FLT1: variants seen among roughly 807,000 people sequenced by gnomAD.
The protein encoded by FLT1 is vascular endothelial growth factor receptor 1.
Under a neutral mutation model 156.3 loss-of-function variants are expected in FLT1, and 49 were observed. That is an observed-to-expected ratio of 0.31 (90% confidence interval 0.25 to 0.40). The LOEUF is 0.40. FLT1 is among the 10% of genes least tolerant of loss of function. The pLI, the probability that FLT1 is intolerant of heterozygous loss-of-function variation, is 1.00. For missense variants in FLT1, 1,322 were observed against 1,637.2 expected, an observed-to-expected ratio of 0.81 and a Z score of 3.32; for synonymous variants, 594 against 583.8, an observed-to-expected ratio of 1.02 and a Z score of -0.25.
chr13:28,436,020 C>T (rs1325914460), intron 4 of FLT1, among the ~76,000 whole-genome samples: 2 of 152,194 alleles, frequency 1.3e-5, no homozygotes, highest in Admixed American at 6.5e-5. Context: ...TGCTGACAGA[C>T]GTCCTCAGTA....
At position 28,489,939 on chromosome 13, in the gene FLT1, C is replaced by T. The variant is rs148261300; in HGVS notation, c.64+4841G>A. ...TGTGCGTTAAGAAAATAGAAGAAAA[C>T]TTCATATTAAAAAGATGTCATTTCG... On this transcript the variant is annotated intron_variant, in intron 1 of 29. Transcript: ENST00000282397. 3.1e-3 allele frequency among the ~76,000 whole-genome samples: 473 copies of T among 152,258 alleles called. 2 individuals are homozygous for T. Among genetic ancestry groups the T allele is most frequent in the African/African-American group, 0.011 (446 of 41,540 alleles).
chr13:28,345,737 A>C, intron 15 of FLT1, 186 bp from the exon 16 acceptor site: 1 of 599,562 alleles, frequency 1.7e-6, no homozygotes, highest in South Asian at 1.9e-5. Context: ...ACATGAACTC[A>C]CATAGAAAAG....
intron 3 of FLT1, among the ~76,000 whole-genome samples, chr13:28,459,933 C>T (rs1382088148): frequency 6.6e-6 from 1 of 152,244 alleles, no homozygotes; most frequent in Non-Finnish European, 1.5e-5. Context: ...TGGTGCATTT[C>T]CATCTTACAA....
intron 4 of FLT1, among the ~76,000 whole-genome samples, chr13:28,436,414 G>GTA (rs1219443689): frequency 6.6e-6 from 1 of 152,210 alleles, no homozygotes; most frequent in Non-Finnish European, 1.5e-5. Flanking sequence ...AATATTTCCA[G>GTA]TATATATGTG....
chr13:28,382,050 T>C (rs1393942537), intron 14 of FLT1, among the ~76,000 whole-genome samples: 1 of 152,136 alleles, frequency 6.6e-6, no homozygotes, highest in Non-Finnish European at 1.5e-5. Context: ...GAACTGGTGA[T>C]TTAAAAAAAT....
At chr13:28,323,218 C>T (rs1162907786) in intron 20 of FLT1, among the ~76,000 whole-genome samples, 1 of 152,008 alleles carries the variant, frequency 6.6e-6, no homozygotes, top group African/African-American at 2.4e-5. Context: ...TGAATGCTTA[C>T]TCTGTGTGAG....
chr13:28,306,391 G>A lies in FLT1; in HGVS notation c.3815+287C>T, dbSNP rs531198974. The stretch of plus-strand genomic sequence containing the variant: ...GTGTCTCTGTCTGCACCACGCATAG[G>A]TGGGCACATCAGGCTTCTTTCACCT... On this transcript the variant is annotated intron_variant, in intron 29 of 29. Transcript: ENST00000282397. Among the ~76,000 whole-genome samples, 32 of 152,302 alleles carry A rather than the reference G, an allele frequency of 2.1e-4. No homozygotes were observed. In the East Asian group the frequency reaches 5.8e-3, roughly 28 times the overall value.
Position 28,311,676 on chromosome 13 carries a change from T to C in FLT1, c.3549A>G (p.Thr1183=). ...NAILTGNSGF[T]YSTPAFSEDF... Reference sequence around the variant, plus strand: ...CCTCAGAGAAGGCAGGAGTTGAGTATGTAAACCCACTATTTCCTGTCAGTA... The same window carrying C: ...CCTCAGAGAAGGCAGGAGTTGAGTACGTAAACCCACTATTTCCTGTCAGTA... The change falls in exon 27 of 30, where the codon ACA becomes ACG. Residue 1183 remains threonine, a synonymous_variant. Coordinates refer to ENST00000282397, the MANE Select transcript of FLT1 (RefSeq NM_002019.4). 6.2e-7 allele frequency: 1 copy of C among 1,613,780 alleles called. No homozygotes were observed. Among genetic ancestry groups the C allele is most frequent in the South Asian group, 1.1e-5 (1 of 91,080 alleles).
chr13:28,378,135 G>C lies in FLT1; in HGVS notation c.2116+6750C>G, dbSNP rs542389827. On this transcript the variant is annotated intron_variant, in intron 14 of 29. Coordinates refer to ENST00000282397, the MANE Select transcript of FLT1 (RefSeq NM_002019.4). ...GTGATCTCGGCTCACTGCAACCTTC[G>C]CCTCCCGGGTTCAAGAGATTCTCCT... Among the ~76,000 whole-genome samples the C allele has an allele frequency of 2.0e-3, 298 of 147,088 alleles. 11 individuals are homozygous for C. In the Admixed American group the frequency reaches 0.021, roughly 10 times the overall value.
chr13:28,408,976 G>A (rs975802840), intron 10 of FLT1, among the ~76,000 whole-genome samples: 3 of 152,212 alleles, frequency 2.0e-5, no homozygotes, highest in East Asian at 1.9e-4. Context: ...ACTTAATTTC[G>A]GACTAGAGAT....
chr13:28,465,036 G>A (rs1028862112), intron 3 of FLT1, among the ~76,000 whole-genome samples: 2 of 152,182 alleles, frequency 1.3e-5, no homozygotes, highest in Non-Finnish European at 2.9e-5. Context: ...AACACAATAT[G>A]CTACGTGGAA....
chr13:28,420,954 A>G (rs1876964684), intron 10 of FLT1, among the ~76,000 whole-genome samples: 1 of 152,008 alleles, frequency 6.6e-6, no homozygotes, highest in African/African-American at 2.4e-5. Context: ...CAGAGTTCCT[A>G]GATGCCTCTG....
At chr13:28,366,109 AT>A (rs111613994) in intron 14 of FLT1, among the ~76,000 whole-genome samples, 21 of 150,944 alleles carry the variant, frequency 1.4e-4, no homozygotes, top group South Asian at 1.3e-3. Flanking sequence ...AGAAATTTGA[AT>A]TTTTTTTTTA....
intron 14 of FLT1, among the ~76,000 whole-genome samples, chr13:28,372,110 C>A (rs1478376153): frequency 2.1e-5 from 2 of 94,314 alleles, no homozygotes; most frequent in African/African-American, 9.0e-5. Context: ...GAGACAGAGT[C>A]TCGCTCTCTT....
chr13:28,455,693 G>A (rs1157338889), intron 3 of FLT1, among the ~76,000 whole-genome samples: 1 of 152,172 alleles, frequency 6.6e-6, no homozygotes, highest in Non-Finnish European at 1.5e-5. Flanking sequence ...AAGAGAATGA[G>A]AAGACAGGGC....
chr13:28,375,577 C>A (rs1873806318), intron 14 of FLT1, among the ~76,000 whole-genome samples: 1 of 152,226 alleles, frequency 6.6e-6, no homozygotes, highest in South Asian at 2.1e-4. Context: ...TGGAAAAGAA[C>A]TGAGCCTTGA....
chr13:28,381,678 G>C (rs1874084405), intron 14 of FLT1, among the ~76,000 whole-genome samples: 2 of 152,136 alleles, frequency 1.3e-5, no homozygotes, highest in Non-Finnish European at 2.9e-5. Flanking sequence ...CCTCTCAAGG[G>C]ACTAGCTTTC....
intron 1 of FLT1, among the ~76,000 whole-genome samples, chr13:28,492,471 T>C (rs1189691261): frequency 6.6e-6 from 1 of 152,224 alleles, no homozygotes; most frequent in Non-Finnish European, 1.5e-5. Context: ...TTTCCCAGAA[T>C]GTCTGGAAGA....
chr13:28,467,221 G>A (rs1445894993), intron 2 of FLT1, 92 bp from the exon 3 acceptor site: 44 of 966,552 alleles, frequency 4.6e-5, no homozygotes, highest in Non-Finnish European at 7.3e-5. Flanking sequence ...AGGAAGCGGA[G>A]GTCCTCTCTT....
Sources: allele counts gnomAD v4.1 joint callset (sites outside exome capture counted in the v4.1 genomes callset), GRCh38; gene constraint gnomAD v4.1.1; transcripts MANE v1.5; gene names NCBI Gene and HGNC (gene_info 2026-07-23, HGNC 2026-07-21).